The following WDR7 variants were observed in gnomAD, a reference collection of about 807,000 sequenced individuals.
WDR7 encodes the protein WD repeat domain 7.
A neutral mutation model predicts 169.4 loss-of-function variants in WDR7; 46 were observed. The ratio of observed to expected loss-of-function variants is 0.27; its 90% CI spans 0.21 to 0.35. The LOEUF (loss-of-function observed/expected upper bound fraction) is 0.35, where lower values mean the gene tolerates loss of function less well. Among genes scored for constraint, WDR7 ranks in the 10% least tolerant of loss-of-function variants. The pLI is 1.00. For synonymous variants in WDR7, 612 were observed against 666.8 expected (o/e 0.92, Z 1.27); for missense variants, 1,534 against 1,859.3 (o/e 0.83, Z 3.22).
rs181707644 is a variant in WDR7 at position 56,930,983 on chromosome 18, A to G, written c.3714-4805A>G. Among the ~76,000 whole-genome samples, 6 of 152,324 alleles carry G rather than the reference A, an allele frequency of 3.9e-5. No homozygotes were observed. In the East Asian group the frequency reaches 1.2e-3, roughly 29 times the overall value. ...AGTGAGCTTTAGAACAGGATTAATG[A>G]GCAGTTCTGTGAAGGGGGAGCTCAG... On this transcript the variant is annotated intron_variant, in intron 22 of 27. Transcript: ENST00000254442.
chr18:56,853,465 A>G (rs1316338620), intron 20 of WDR7, among the ~76,000 whole-genome samples: 2 of 152,142 alleles, frequency 1.3e-5, no homozygotes, highest in African/African-American at 4.8e-5. Context: ...CCAACCAACC[A>G]CACACCCAAA....
At chr18:56,784,553 T>C (rs2044366035) in intron 19 of WDR7, among the ~76,000 whole-genome samples, 1 of 152,224 alleles carries the variant, frequency 6.6e-6, no homozygotes, top group South Asian at 2.1e-4. Context: ...TCCATCTTGC[T>C]TGCTCTGGCA....
At chr18:56,771,915 C>T (rs1051855064) in intron 16 of WDR7, among the ~76,000 whole-genome samples, 25 of 151,150 alleles carry the variant, frequency 1.7e-4, no homozygotes, top group Admixed American at 7.9e-4. Flanking sequence ...CAGAAATTAT[C>T]GGGGTGTGAT....
At chr18:56,703,552 T>A (rs1404736299) in intron 12 of WDR7, among the ~76,000 whole-genome samples, 1 of 152,164 alleles carries the variant, frequency 6.6e-6, no homozygotes, top group African/African-American at 2.4e-5. Context: ...ATGTACATAA[T>A]GTTCTGTGTC....
intron 25 of WDR7, among the ~76,000 whole-genome samples, chr18:56,960,377 A>G (rs371248948): frequency 6.9e-4 from 105 of 152,312 alleles, no homozygotes; most frequent in African/African-American, 2.5e-3. Context: ...ATTGTTTTGA[A>G]GAGGGTTATT....
At chr18:56,658,468 A>G (rs547313733) in intron 1 of WDR7, among the ~76,000 whole-genome samples, 1 of 152,254 alleles carries the variant, frequency 6.6e-6, no homozygotes, top group Admixed American at 6.5e-5. Context: ...ATGACCCTAC[A>G]AGCTCACTGA....
intron 19 of WDR7, among the ~76,000 whole-genome samples, chr18:56,791,045 C>A (rs2044477380): frequency 6.6e-6 from 1 of 151,954 alleles, no homozygotes; most frequent in Admixed American, 6.5e-5. Flanking sequence ...AAATATTTTC[C>A]TTGATTTAGA....
chr18:56,765,867 G>C (rs936018479), intron 16 of WDR7, among the ~76,000 whole-genome samples: 4 of 152,088 alleles, frequency 2.6e-5, no homozygotes, highest in African/African-American at 9.7e-5. Flanking sequence ...GTGCAGGTTT[G>C]CTACATGGAT....
intron 1 of WDR7, among the ~76,000 whole-genome samples, chr18:56,658,694 C>T (rs1346463750): frequency 1.3e-5 from 2 of 152,068 alleles, no homozygotes; most frequent in Non-Finnish European, 2.9e-5. Context: ...AAAATTCACA[C>T]GAATGAAATA....
intron 12 of WDR7, among the ~76,000 whole-genome samples, chr18:56,716,690 G>A (rs370486299): frequency 7.9e-5 from 12 of 152,270 alleles, no homozygotes; most frequent in African/African-American, 2.9e-4. Flanking sequence ...AGTTTCCAAA[G>A]TGTGTTCATC....
At position 57,027,401 on chromosome 18, in the gene WDR7, G is replaced by A. The variant is rs1468179589; in HGVS notation, c.*194G>A. ...GCTCGTGCCATCTGTCGATTCAGAG[G>A]CACGCACACATGCTCTGCAGGATGT... On this transcript the variant is annotated 3_prime_UTR_variant, in exon 28 of 28. Coordinates refer to ENST00000254442, the MANE Select transcript of WDR7 (RefSeq NM_015285.3). 9.1e-6 allele frequency: 6 copies of A among 658,642 alleles called. No individual in the cohort carries two copies. The highest frequency in any genetic ancestry group is 1.5e-5 in the Non-Finnish European group (6 of 391,958). 40.8% of individuals were successfully genotyped at this position (658,642 alleles called of 1,614,324 possible).
chr18:56,935,317 A>G (rs969508066), intron 22 of WDR7, among the ~76,000 whole-genome samples: 19 of 152,172 alleles, frequency 1.2e-4, no homozygotes, highest in African/African-American at 4.3e-4. Flanking sequence ...TACAAACAAA[A>G]AATAATTTTG....
At chr18:56,683,509 A>G (rs2025389079) in intron 5 of WDR7, among the ~76,000 whole-genome samples, 1 of 152,146 alleles carries the variant, frequency 6.6e-6, no homozygotes, top group Non-Finnish European at 1.5e-5. Context: ...CTTCCTATAG[A>G]GGCCAGTAAA....
At chr18:56,653,658 T>TA (rs1415431717) in intron 1 of WDR7, among the ~76,000 whole-genome samples, 6 of 152,328 alleles carry the variant, frequency 3.9e-5, no homozygotes, top group Admixed American at 3.9e-4. Context: ...ATAGAGATGA[T>TA]ATCGTGCAGT....
In WDR7 at chr18:57,028,719, T is replaced by C. The variant is rs2048403829; in HGVS notation, c.*1512T>C. On this transcript the variant is annotated 3_prime_UTR_variant, in exon 28 of 28. Transcript: ENST00000254442. Reference sequence around the variant, plus strand: ...ACATTGGTTATTTCACTGAAACAGATTTTTAAAGAGCATATTAAGAAATTA... The same window carrying C: ...ACATTGGTTATTTCACTGAAACAGACTTTTAAAGAGCATATTAAGAAATTA... The C allele has an allele frequency of 6.6e-6, 1 of 152,546 alleles. No individual in the cohort carries two copies. Among genetic ancestry groups the C allele is most frequent in the Non-Finnish European group, 1.5e-5 (1 of 68,010 alleles). The allele number at this position is 152,546 out of a possible 1,614,324, so 9.4% of individuals were successfully genotyped here.
At chr18:56,924,191 A>G (rs190645918) in intron 22 of WDR7, 83 bp downstream of exon 22, 2 of 1,471,644 alleles carry the variant, frequency 1.4e-6, no homozygotes, top group African/African-American at 1.4e-5. Context: ...ATCATTCTGT[A>G]TAGATTGTGC....
chr18:56,887,842 C>G (rs117165919), intron 21 of WDR7, among the ~76,000 whole-genome samples: 2 of 152,076 alleles, frequency 1.3e-5, no homozygotes, highest in South Asian at 4.1e-4. Flanking sequence ...CTCTGTCTTA[C>G]GTGTACTCTT....
intron 4 of WDR7, among the ~76,000 whole-genome samples, chr18:56,682,355 T>G (rs2025365785): frequency 6.6e-6 from 1 of 152,220 alleles, no homozygotes. Context: ...GGTGTTTTAT[T>G]AATTTATTCA....
At chr18:56,718,630 G>A (rs1359827870) in intron 13 of WDR7, among the ~76,000 whole-genome samples, 2 of 152,174 alleles carry the variant, frequency 1.3e-5, no homozygotes, top group South Asian at 2.1e-4. Context: ...TGTATTGGGG[G>A]TATAATGTAG....
Sources: gnomAD v4.1 joint callset for allele counts (sites outside exome capture counted in the v4.1 genomes callset) on GRCh38, gnomAD v4.1.1 for gene constraint, MANE v1.5 for transcripts, NCBI Gene and HGNC (gene_info 2026-07-23, HGNC 2026-07-21) for gene names.